Variants in MAGI2 observed in about 807,000 individuals in gnomAD.
MAGI2 encodes the protein membrane associated guanylate kinase, WW and PDZ domain containing 2.
A neutral mutation model predicts 133.3 loss-of-function variants in MAGI2; 35 were observed. The ratio of observed to expected loss-of-function variants is 0.26; its 90% CI spans 0.20 to 0.35. The LOEUF (loss-of-function observed/expected upper bound fraction) is 0.35. Among genes scored for constraint, MAGI2 ranks in the 10% least tolerant of loss-of-function variants. The pLI, the probability that MAGI2 is intolerant of heterozygous loss-of-function variation, is 1.00. For missense variants in MAGI2, 1,636 were observed against 1,863.4 expected, an observed-to-expected ratio of 0.88 and a Z score of 2.25; for synonymous variants, 729 against 710.6, an observed-to-expected ratio of 1.03 and a Z score of -0.41.
intron 2 of MAGI2, among the ~76,000 whole-genome samples, chr7:78,865,792 G>A (rs1794507918): frequency 6.6e-6 from 1 of 152,114 alleles, no homozygotes. Flanking sequence ...ATTACAGAAG[G>A]TAGACTAAAG....
chr7:78,036,697 G>T (rs1361592388), intron 21 of MAGI2, among the ~76,000 whole-genome samples: 2 of 152,018 alleles, frequency 1.3e-5, no homozygotes, highest in African/African-American at 4.8e-5. Context: ...GCTCACTGCA[G>T]CCTCAATCTC....
chr7:78,417,113 A>G (rs1327403035), intron 6 of MAGI2, among the ~76,000 whole-genome samples: 1 of 152,120 alleles, frequency 6.6e-6, no homozygotes, highest in Non-Finnish European at 1.5e-5. Context: ...TCCATTCTCT[A>G]CTATTTCTGG....
chr7:79,316,150 C>A (rs1838707208), intron 1 of MAGI2, among the ~76,000 whole-genome samples: 1 of 152,004 alleles, frequency 6.6e-6, no homozygotes, highest in Non-Finnish European at 1.5e-5. Context: ...GACTTGAGGG[C>A]AATGTATGGT....
chr7:78,080,837 G>A (rs1815880375), intron 20 of MAGI2, among the ~76,000 whole-genome samples: 1 of 152,086 alleles, frequency 6.6e-6, no homozygotes, highest in Non-Finnish European at 1.5e-5. Flanking sequence ...AAACCTGGGG[G>A]TCACGCTACA....
intron 1 of MAGI2, among the ~76,000 whole-genome samples, chr7:79,339,670 G>C (rs1840746130): frequency 1.3e-5 from 2 of 152,068 alleles, no homozygotes; most frequent in Admixed American, 1.3e-4. Context: ...TGTCATCCTT[G>C]ATTGGCTGAA....
At chr7:78,060,251 C>A (rs1435524669) in intron 21 of MAGI2, among the ~76,000 whole-genome samples, 1 of 114,316 alleles carries the variant, frequency 8.7e-6, no homozygotes, top group Non-Finnish European at 1.8e-5. Context: ...GGGACCCCCC[C>A]CCCTCTTTAG....
chr7:78,266,574 G>T (rs950262439), intron 9 of MAGI2, among the ~76,000 whole-genome samples: 1 of 145,472 alleles, frequency 6.9e-6, no homozygotes, highest in Non-Finnish European at 1.5e-5. Flanking sequence ...AGAAGAGGGG[G>T]AAAAAATCCC....
chr7:78,092,146 A>G (rs938028766), intron 20 of MAGI2, among the ~76,000 whole-genome samples: 6 of 152,226 alleles, frequency 3.9e-5, no homozygotes, highest in Admixed American at 3.3e-4. Flanking sequence ...GGAGTATACC[A>G]AGTGAAAAAA....
chr7:78,238,542 A>T (rs1790796031), intron 10 of MAGI2, among the ~76,000 whole-genome samples: 3 of 151,820 alleles, frequency 2.0e-5, no homozygotes, highest in Non-Finnish European at 4.4e-5. Context: ...CTCAAAAAAA[A>T]AATCTTTGAT....
chr7:78,312,440 G>A (rs1361855813), intron 9 of MAGI2, among the ~76,000 whole-genome samples: 2 of 151,948 alleles, frequency 1.3e-5, no homozygotes, highest in East Asian at 3.9e-4. Context: ...ATAATCAACA[G>A]GCAATATATA....
At chr7:79,174,678 TA>T (rs959378690) in intron 1 of MAGI2, among the ~76,000 whole-genome samples, 1 of 150,734 alleles carries the variant, frequency 6.6e-6, no homozygotes, top group Non-Finnish European at 1.5e-5. Context: ...TCTATATTAA[TA>T]AAAAAATTTA....
intron 2 of MAGI2, among the ~76,000 whole-genome samples, chr7:78,662,298 T>A (rs1484941198): frequency 2.6e-5 from 4 of 152,198 alleles, no homozygotes; most frequent in Non-Finnish European, 4.4e-5. Context: ...CTTTCCATTA[T>A]CTTTTTCCTT....
intron 3 of MAGI2, among the ~76,000 whole-genome samples, chr7:78,530,616 C>A (rs1241796835): frequency 6.6e-6 from 1 of 152,130 alleles, no homozygotes; most frequent in Non-Finnish European, 1.5e-5. Context: ...TTCTCTCTTG[C>A]ATTTCCTCTA....
At chr7:79,188,855 C>T (rs984592380) in intron 1 of MAGI2, among the ~76,000 whole-genome samples, 3 of 151,838 alleles carry the variant, frequency 2.0e-5, no homozygotes, top group Non-Finnish European at 2.9e-5. Context: ...AGTATTTGGT[C>T]TTCCAGACAT....
intron 6 of MAGI2, among the ~76,000 whole-genome samples, chr7:78,426,837 T>C (rs1799327974): frequency 6.6e-6 from 1 of 152,008 alleles, no homozygotes; most frequent in African/African-American, 2.4e-5. Flanking sequence ...ATGATTAAAC[T>C]AGTGAAAAGC....
chr7:78,696,092 T>G (rs142662554), intron 2 of MAGI2, among the ~76,000 whole-genome samples: 483 of 152,222 alleles, frequency 3.2e-3, no homozygotes, highest in Non-Finnish European at 5.5e-3. Context: ...GGCACTGCCA[T>G]GCCTGGATAA....
chr7:78,128,462 T>G (rs1821218203), intron 18 of MAGI2, among the ~76,000 whole-genome samples: 1 of 152,246 alleles, frequency 6.6e-6, no homozygotes, highest in East Asian at 1.9e-4. Context: ...CTAAAATTAA[T>G]TGGAGGGTAT....
intron 2 of MAGI2, among the ~76,000 whole-genome samples, chr7:78,751,979 CT>C (rs1294669979): frequency 6.6e-6 from 1 of 152,192 alleles, no homozygotes; most frequent in Non-Finnish European, 1.5e-5. Flanking sequence ...TGTCATAACC[CT>C]TCAATCAAAG....
At chr7:79,019,170 C>A (rs530998854) in intron 1 of MAGI2, among the ~76,000 whole-genome samples, 1 of 152,112 alleles carries the variant, frequency 6.6e-6, no homozygotes. Flanking sequence ...AATGAAAAAA[C>A]CCAAAATTAT....
Sources: allele counts gnomAD v4.1 joint callset (sites outside exome capture counted in the v4.1 genomes callset), GRCh38; gene constraint gnomAD v4.1.1; transcripts MANE v1.5; gene names NCBI Gene and HGNC (gene_info 2026-07-23, HGNC 2026-07-21).